The following NRXN1 variants were observed in gnomAD, a reference collection of about 807,000 sequenced individuals.
The protein encoded by NRXN1 is neurexin 1.
NRXN1 carries 39 observed loss-of-function variants against 150.9 expected under a neutral mutation model. That is an observed-to-expected ratio of 0.26 (90% CI 0.20 to 0.34). The LOEUF is 0.34. Among genes scored for constraint, NRXN1 ranks in the 10% least tolerant of loss-of-function variants. The probability of loss-of-function intolerance (pLI) is 1.00; values close to 1 mark genes in which losing one functional copy is unlikely to be tolerated. For missense variants in NRXN1, 1,815 were observed against 1,949.9 expected (o/e 0.93, Z 1.30); for synonymous variants, 924 against 757.0 (o/e 1.22, Z -3.62).
intron 5 of NRXN1, among the ~76,000 whole-genome samples, chr2:50,742,277 A>T (rs903085850): frequency 1.3e-5 from 2 of 151,142 alleles, no homozygotes; most frequent in Non-Finnish European, 2.9e-5. Context: ...ATATATATAT[A>T]CTCTTTTTTC....
At chr2:50,469,319 C>A (rs950266058) in intron 16 of NRXN1, among the ~76,000 whole-genome samples, 1 of 151,464 alleles carries the variant, frequency 6.6e-6, no homozygotes, top group East Asian at 1.9e-4. Context: ...TAAAATGAAC[C>A]ATTACTCCCT....
At chr2:50,908,362 T>TACACAC (rs71404979) in intron 5 of NRXN1, among the ~76,000 whole-genome samples, 8,220 of 148,190 alleles carry the variant, frequency 0.055, 266 homozygotes, top group Middle Eastern at 0.097. Flanking sequence ...CATTCACACA[T>TACACAC]ACACACACAC....
intron 9 of NRXN1, among the ~76,000 whole-genome samples, chr2:50,540,219 G>C (rs1168412798): frequency 6.6e-6 from 1 of 152,154 alleles, no homozygotes; most frequent in African/African-American, 2.4e-5. Context: ...CCAATGAGGG[G>C]AGCAAAATAG....
At chr2:50,070,379 T>C (rs908074472) in intron 19 of NRXN1, among the ~76,000 whole-genome samples, 1 of 152,188 alleles carries the variant, frequency 6.6e-6, no homozygotes, top group African/African-American at 2.4e-5. Flanking sequence ...CTGAAACACC[T>C]GTGATCATGG....
At chr2:50,297,118 C>T (rs954302494) in intron 17 of NRXN1, among the ~76,000 whole-genome samples, 34 of 151,914 alleles carry the variant, frequency 2.2e-4, no homozygotes, top group African/African-American at 7.0e-4. Context: ...CTCAAACTCC[C>T]GACCTTGTGA....
chr2:50,199,615 A>G (rs2062021207), intron 18 of NRXN1, among the ~76,000 whole-genome samples: 1 of 151,850 alleles, frequency 6.6e-6, no homozygotes, highest in Non-Finnish European at 1.5e-5. Flanking sequence ...TAGTGTCTCT[A>G]TTTAAGTTTT....
chr2:50,119,217 G>A (rs1453257958), intron 18 of NRXN1, among the ~76,000 whole-genome samples: 2 of 152,012 alleles, frequency 1.3e-5, no homozygotes, highest in Non-Finnish European at 2.9e-5. Context: ...ACCATTATGT[G>A]TCTTTATCTT....
intron 5 of NRXN1, among the ~76,000 whole-genome samples, chr2:50,854,773 T>C (rs530812097): frequency 6.6e-6 from 1 of 152,178 alleles, no homozygotes; most frequent in Admixed American, 6.6e-5. Context: ...ATACTGTTTA[T>C]AGCTAATTCA....
intron 17 of NRXN1, among the ~76,000 whole-genome samples, chr2:50,327,896 G>A (rs112751576): frequency 0.02 from 2,986 of 152,150 alleles, 111 homozygotes; most frequent in African/African-American, 0.069. Flanking sequence ...GTAATCTCCC[G>A]CCTTGGCCTC....
At chr2:50,719,686 A>AAAC (rs201052080) in intron 5 of NRXN1, among the ~76,000 whole-genome samples, 129 of 152,214 alleles carry the variant, frequency 8.5e-4, no homozygotes, top group Middle Eastern at 6.8e-3. Context: ...AAAAAAACAA[A>AAAC]AACAACAACA....
intron 17 of NRXN1, among the ~76,000 whole-genome samples, chr2:50,342,212 G>GC (rs1204252049): frequency 1.3e-5 from 2 of 152,150 alleles, no homozygotes; most frequent in African/African-American, 4.8e-5. Context: ...AAAGTTTTGG[G>GC]CAACCAAAAA....
chr2:49,951,872 C>G (rs1173732863), intron 21 of NRXN1, among the ~76,000 whole-genome samples: 1 of 151,886 alleles, frequency 6.6e-6, no homozygotes, highest in Non-Finnish European at 1.5e-5. Context: ...CAAAATAAAA[C>G]CAGACTTTAT....
intron 18 of NRXN1, among the ~76,000 whole-genome samples, chr2:50,115,385 C>G (rs1213764567): frequency 6.6e-6 from 1 of 151,732 alleles, no homozygotes; most frequent in Non-Finnish European, 1.5e-5. Context: ...GTAATACCAA[C>G]AGGAATCAAT....
chr2:50,266,172 T>C (rs2068844564), intron 17 of NRXN1, among the ~76,000 whole-genome samples: 1 of 149,320 alleles, frequency 6.7e-6, no homozygotes, highest in Non-Finnish European at 1.5e-5. Flanking sequence ...GTAATTTTTG[T>C]AGTTTTAGTA....
At chr2:50,266,908 C>G (rs939703684) in intron 17 of NRXN1, among the ~76,000 whole-genome samples, 10 of 152,152 alleles carry the variant, frequency 6.6e-5, no homozygotes, top group Admixed American at 5.9e-4. Context: ...ATTAGTTATT[C>G]TTCTTTATTA....
chr2:50,469,425 A>G (rs1222378934), intron 16 of NRXN1, among the ~76,000 whole-genome samples: 1 of 151,600 alleles, frequency 6.6e-6, no homozygotes, highest in Non-Finnish European at 1.5e-5. Flanking sequence ...GGTGTATTGG[A>G]TAGGAACAAT....
intron 5 of NRXN1, among the ~76,000 whole-genome samples, chr2:50,801,381 T>C (rs1297643161): frequency 6.6e-6 from 1 of 152,170 alleles, no homozygotes; most frequent in Non-Finnish European, 1.5e-5. Flanking sequence ...GTATTGTGAA[T>C]CACTTTATTT....
intron 8 of NRXN1, among the ~76,000 whole-genome samples, chr2:50,557,492 G>C (rs1668429366): frequency 6.6e-6 from 1 of 152,038 alleles, no homozygotes; most frequent in East Asian, 1.9e-4. Context: ...CTAAGAATTT[G>C]GTTCTCAAGT....
At chr2:50,302,888 CATTT>C in intron 17 of NRXN1, among the ~76,000 whole-genome samples, 1 of 150,612 alleles carries the variant, frequency 6.6e-6, no homozygotes, top group African/African-American at 2.4e-5. Context: ...AATCTGCATT[CATTT>C]ATTTGCCATA....
Sources: allele counts gnomAD v4.1 joint callset (sites outside exome capture counted in the v4.1 genomes callset), GRCh38; gene constraint gnomAD v4.1.1; transcripts MANE v1.5; gene names NCBI Gene and HGNC (gene_info 2026-07-23, HGNC 2026-07-21).